The following PLB1 variants were observed in gnomAD, a reference collection of about 807,000 sequenced individuals.
PLB1 encodes phospholipase B1.
PLB1 carries 242 observed loss-of-function variants against 227.4 expected under a neutral mutation model. The ratio of observed to expected loss-of-function variants is 1.06; its 90% CI spans 0.96 to 1.18. The LOEUF is 1.18. PLB1 is among the 50% of genes most tolerant of loss of function. The probability of loss-of-function intolerance (pLI) is 0.00; values close to 1 mark genes in which losing one functional copy is unlikely to be tolerated. For synonymous variants in PLB1, 757 were observed against 682.2 expected, an observed-to-expected ratio of 1.11 and a Z score of -1.71; for missense variants, 1,858 against 1,816.3, an observed-to-expected ratio of 1.02 and a Z score of -0.42.
At chr2:28,606,078 G>A (rs997995084) in intron 42 of PLB1, 130 bp downstream of exon 42, 2 of 735,888 alleles carry the variant, frequency 2.7e-6, no homozygotes, top group Non-Finnish European at 4.6e-6. Context: ...CGTCTATGCA[G>A]TTGGAAATGC....
chr2:28,539,004 C>G, intron 10 of PLB1, 95 bp from the exon 11 acceptor site: 2 of 982,984 alleles, frequency 2.0e-6, no homozygotes, highest in Non-Finnish European at 3.3e-6. Context: ...TCACACTCAA[C>G]CACACCCCAA....
chr2:28,632,857 T>C, intron 55 of PLB1, 87 bp from the exon 56 acceptor site: 1 of 890,090 alleles, frequency 1.1e-6, no homozygotes, highest in Middle Eastern at 2.2e-4. Context: ...AAAGGAGACA[T>C]GCCCAGGGCA....
chr2:28,621,704 T>A (rs185320647), intron 49 of PLB1, among the ~76,000 whole-genome samples: 1 of 152,272 alleles, frequency 6.6e-6, no homozygotes, highest in East Asian at 1.9e-4. Context: ...AATGTTCCTT[T>A]CAGAAGTGGT....
intron 25 of PLB1, among the ~76,000 whole-genome samples, chr2:28,585,183 G>A (rs907721250): frequency 5.3e-5 from 8 of 152,144 alleles, no homozygotes; most frequent in African/African-American, 1.9e-4. Flanking sequence ...TCAGACAGCC[G>A]TAAGGTGACT....
intron 23 of PLB1, among the ~76,000 whole-genome samples, chr2:28,581,486 AAAAT>A (rs565442462): frequency 0.34 from 37,408 of 110,508 alleles, 6,103 homozygotes; most frequent in Non-Finnish European, 0.39. Context: ...TCCACGCAAA[AAAAT>A]AAATAAATAA....
intron 4 of PLB1, among the ~76,000 whole-genome samples, chr2:28,524,192 C>T (rs1227119481): frequency 6.6e-6 from 1 of 152,130 alleles, no homozygotes; most frequent in Non-Finnish European, 1.5e-5. Context: ...CGCGGTGTAG[C>T]TGTCTGCCTG....
In PLB1 at chr2:28,631,589, G is replaced by A. The variant is rs11896668; in HGVS notation, c.3898-447G>A. Among the ~76,000 whole-genome samples, 4 of 152,060 alleles carry A rather than the reference G, an allele frequency of 2.6e-5. No homozygotes were observed. The East Asian group carries it at 7.8e-4, about 30-fold the overall frequency. The stretch of plus-strand genomic sequence containing the variant: ...TCCAGCCACCGTGGACTCTCCTCCC[G>A]CAAAGTTCATGGGCATTTTGGGAGC... On this transcript the variant is annotated intron_variant, in intron 54 of 57. Transcript: ENST00000327757.
At chr2:28,506,784 G>A (rs970038820) in intron 1 of PLB1, among the ~76,000 whole-genome samples, 1 of 152,190 alleles carries the variant, frequency 6.6e-6, no homozygotes, top group African/African-American at 2.4e-5. Flanking sequence ...CACCACCTTG[G>A]TGAACAGAGC....
intron 17 of PLB1, among the ~76,000 whole-genome samples, chr2:28,558,345 G>A (rs1675483063): frequency 6.6e-6 from 1 of 152,106 alleles, no homozygotes; most frequent in Non-Finnish European, 1.5e-5. Context: ...ACGAGCTAGT[G>A]TTCACAGGAT....
chr2:28,538,488 C>T lies in PLB1; in HGVS notation c.618+107C>T, dbSNP rs1672014642. ...GACCCCTGTGAGGGAGACTGGGACC[C>T]TCGGGAAAGGGGAAACTTTAGAGCA... is the stretch of plus-strand genomic sequence containing the variant. On this transcript the variant is annotated intron_variant, in intron 10 of 57. Transcript: ENST00000327757. The T allele has an allele frequency of 1.1e-5, 11 of 1,036,280 alleles. 2 individuals are homozygous for T. The South Asian group carries it at 1.5e-4, about 15-fold the overall frequency. 64.2% of individuals were successfully genotyped at this position (1,036,280 alleles called of 1,614,324 possible).
At chr2:28,634,371 T>TA (rs1274181913) in intron 56 of PLB1, among the ~76,000 whole-genome samples, 4 of 152,198 alleles carry the variant, frequency 2.6e-5, no homozygotes, top group African/African-American at 9.7e-5. Flanking sequence ...TATTCCTTTG[T>TA]AAAAATCTTC....
At chr2:28,518,576 T>C in intron 3 of PLB1, 44 bp downstream of exon 3, 1 of 1,486,038 alleles carries the variant, frequency 6.7e-7, no homozygotes, top group Non-Finnish European at 9.4e-7. Flanking sequence ...TGGCGTTTTC[T>C]CTCTGAAGTG....
At chr2:28,623,302 G>A (rs1268547488) in intron 49 of PLB1, among the ~76,000 whole-genome samples, 1 of 151,836 alleles carries the variant, frequency 6.6e-6, no homozygotes, top group Non-Finnish European at 1.5e-5. Context: ...AGCCCAGAGA[G>A]GAGGCTCAAG....
At chr2:28,584,043 C>T (rs944887143) in intron 25 of PLB1, among the ~76,000 whole-genome samples, 2 of 152,120 alleles carry the variant, frequency 1.3e-5, no homozygotes, top group African/African-American at 2.4e-5. Flanking sequence ...TGAGACTGTG[C>T]TCCCCTACCC....
At chr2:28,640,310 G>GCTCAT (rs1689828227) in intron 56 of PLB1, among the ~76,000 whole-genome samples, 1 of 152,158 alleles carries the variant, frequency 6.6e-6, no homozygotes, top group African/African-American at 2.4e-5. Context: ...GCAGCTCCCA[G>GCTCAT]CTCATCCTCA....
At chr2:28,603,871 A>G in intron 39 of PLB1, 95 bp from the exon 40 acceptor site, 2 of 1,145,490 alleles carry the variant, frequency 1.7e-6, no homozygotes, top group South Asian at 2.6e-5. Context: ...GGCGGGAGGG[A>G]GCCTCTCCAC....
chr2:28,549,450 C>A (rs61252449), intron 15 of PLB1, among the ~76,000 whole-genome samples: 71 of 104,732 alleles, frequency 6.8e-4, no homozygotes, highest in African/African-American at 2.5e-3. Context: ...GGAGTCTCGC[C>A]CTGTTGCCAG....
At chr2:28,551,852 T>C (rs1674318731) in intron 16 of PLB1, among the ~76,000 whole-genome samples, 1 of 152,216 alleles carries the variant, frequency 6.6e-6, no homozygotes, top group African/African-American at 2.4e-5. Flanking sequence ...TATCATTGGA[T>C]AAATGCAGTG....
intron 21 of PLB1, among the ~76,000 whole-genome samples, chr2:28,574,157 G>C (rs570534404): frequency 6.6e-6 from 1 of 152,212 alleles, no homozygotes; most frequent in South Asian, 2.1e-4. Context: ...AATAAAACTG[G>C]ATGATCCTTT....
Sources: gnomAD v4.1 joint callset for allele counts (sites outside exome capture counted in the v4.1 genomes callset) on GRCh38, gnomAD v4.1.1 for gene constraint, MANE v1.5 for transcripts, NCBI Gene and HGNC (gene_info 2026-07-23, HGNC 2026-07-21) for gene names.